XKR6: variants seen among roughly 807,000 people sequenced by gnomAD.
XKR6 encodes XK related 6.
Under a neutral mutation model 56.7 loss-of-function variants are expected in XKR6, and 22 were observed. The observed-to-expected ratio is 0.39, with a 90% CI of 0.28 to 0.55. The LOEUF (loss-of-function observed/expected upper bound fraction) is 0.55, where lower values mean the gene tolerates loss of function less well. Among genes scored for constraint, XKR6 ranks in the 20% least tolerant of loss-of-function variants. The pLI is 0.66. For missense variants in XKR6, 852 were observed against 889.0 expected, an observed-to-expected ratio of 0.96 and a Z score of 0.53; for synonymous variants, 524 against 387.8, an observed-to-expected ratio of 1.35 and a Z score of -4.13.
intron 1 of XKR6, among the ~76,000 whole-genome samples, chr8:11,169,465 C>T (rs967953147): frequency 1.3e-5 from 2 of 151,974 alleles, no homozygotes; most frequent in African/African-American, 4.8e-5. Flanking sequence ...AAAAAAGGAA[C>T]AAAACTCTGA....
chr8:11,173,972 G>A (rs1054980167), intron 1 of XKR6, among the ~76,000 whole-genome samples: 1 of 152,206 alleles, frequency 6.6e-6, no homozygotes, highest in African/African-American at 2.4e-5. Flanking sequence ...TTTGGGATGA[G>A]GGGAGTACTT....
chr8:10,929,454 T>C (rs538503091), intron 1 of XKR6, among the ~76,000 whole-genome samples: 7 of 152,366 alleles, frequency 4.6e-5, no homozygotes, highest in Admixed American at 4.6e-4. Flanking sequence ...CAGTCTGGCT[T>C]TGGGGCCAGT....
intron 1 of XKR6, among the ~76,000 whole-genome samples, chr8:11,089,556 A>C (rs1450300033): frequency 6.6e-6 from 1 of 152,132 alleles, no homozygotes; most frequent in Non-Finnish European, 1.5e-5. Context: ...AGGATTTCTT[A>C]AATCTAGGAG....
intron 1 of XKR6, among the ~76,000 whole-genome samples, chr8:11,075,098 C>G (rs1215777132): frequency 6.6e-6 from 1 of 152,134 alleles, no homozygotes; most frequent in Non-Finnish European, 1.5e-5. Flanking sequence ...GAGGATGCTG[C>G]CCCCGCCCTG....
intron 1 of XKR6, among the ~76,000 whole-genome samples, chr8:11,013,970 C>T (rs10216563): frequency 0.014 from 2,143 of 152,278 alleles, 50 homozygotes; most frequent in African/African-American, 0.048. Flanking sequence ...CCAGTCACTG[C>T]GTTAAAAAGT....
At chr8:11,163,697 ACT>A (rs1801935590) in intron 1 of XKR6, among the ~76,000 whole-genome samples, 1 of 152,190 alleles carries the variant, frequency 6.6e-6, no homozygotes, top group Non-Finnish European at 1.5e-5. Context: ...TTTCTACCGC[ACT>A]GACTTTGTGC....
chr8:10,975,055 C>T (rs1408211817), intron 1 of XKR6, among the ~76,000 whole-genome samples: 1 of 152,148 alleles, frequency 6.6e-6, no homozygotes, highest in Non-Finnish European at 1.5e-5. Context: ...AGGTGACCTT[C>T]GGGAGCTGCC....
At chr8:11,170,351 A>T (rs990555677) in intron 1 of XKR6, among the ~76,000 whole-genome samples, 1 of 152,246 alleles carries the variant, frequency 6.6e-6, no homozygotes, top group Non-Finnish European at 1.5e-5. Flanking sequence ...GATCCATCCA[A>T]TGGAATATTA....
intron 1 of XKR6, among the ~76,000 whole-genome samples, chr8:11,007,185 G>T (rs1001201973): frequency 3.3e-5 from 5 of 152,296 alleles, no homozygotes; most frequent in African/African-American, 1.2e-4. Context: ...TGAGGGATAG[G>T]TCAGGAGAGT....
At chr8:11,011,163 C>A (rs1798491127) in intron 1 of XKR6, among the ~76,000 whole-genome samples, 1 of 152,236 alleles carries the variant, frequency 6.6e-6, no homozygotes, top group African/African-American at 2.4e-5. Flanking sequence ...ATGCTCCTTT[C>A]CCTACATCAC....
intron 1 of XKR6, among the ~76,000 whole-genome samples, chr8:11,081,241 C>T (rs1411164764): frequency 6.6e-6 from 1 of 152,168 alleles, no homozygotes; most frequent in African/African-American, 2.4e-5. Context: ...CAGGAAAATC[C>T]AGCAGATGGA....
In XKR6 at chr8:10,897,167, C is replaced by T. The variant is rs1799906312; in HGVS notation, c.*785G>A. 2.0e-5 allele frequency: 3 copies of T among 152,638 alleles called. No homozygotes were observed. Among genetic ancestry groups the T allele is most frequent in the African/African-American group, 7.2e-5 (3 of 41,438 alleles). The allele number at this position is 152,638 out of a possible 1,614,324, so 9.5% of individuals were successfully genotyped here. ...CATAATCAGCCTTCAAGTAGCTTCT[C>T]CAGCCATTTGAGTTTCAAACAGCCC... On this transcript the variant is annotated 3_prime_UTR_variant, in exon 3 of 3. Transcript: ENST00000416569.
At chr8:10,945,542 A>G (rs1315449090) in intron 1 of XKR6, among the ~76,000 whole-genome samples, 2 of 152,238 alleles carry the variant, frequency 1.3e-5, no homozygotes, top group Non-Finnish European at 2.9e-5. Context: ...TGTATTGGAG[A>G]AATGTGGGTT....
chr8:10,959,310 C>G (rs1407128150), intron 1 of XKR6, among the ~76,000 whole-genome samples: 2 of 152,090 alleles, frequency 1.3e-5, no homozygotes, highest in Admixed American at 1.3e-4. Context: ...CTCTGTGACC[C>G]ACAGGTGGTC....
At chr8:10,980,574 A>G (rs192941431) in intron 1 of XKR6, among the ~76,000 whole-genome samples, 18 of 152,302 alleles carry the variant, frequency 1.2e-4, no homozygotes, top group Non-Finnish European at 2.6e-4. Flanking sequence ...TTTAATACCT[A>G]TCTATTATCG....
chr8:11,104,236 C>T (rs1276783647), intron 1 of XKR6, among the ~76,000 whole-genome samples: 1 of 152,234 alleles, frequency 6.6e-6, no homozygotes, highest in African/African-American at 2.4e-5. Context: ...AAAGGACACA[C>T]TTTGGAGAAC....
intron 1 of XKR6, chr8:11,137,428 C>A (rs757936803): frequency 6.6e-5 from 24 of 365,398 alleles, no homozygotes; most frequent in Non-Finnish European, 1.3e-4. Flanking sequence ...AAGAAATTCT[C>A]CCTCAAACGT....
chr8:11,066,629 C>G (rs891288328), intron 1 of XKR6, among the ~76,000 whole-genome samples: 2 of 152,244 alleles, frequency 1.3e-5, no homozygotes, highest in Non-Finnish European at 2.9e-5. Context: ...GAGGCCAGTC[C>G]TGAGGAAAGC....
intron 2 of XKR6, among the ~76,000 whole-genome samples, chr8:10,919,666 A>G (rs1046706798): frequency 6.6e-6 from 1 of 152,240 alleles, no homozygotes; most frequent in African/African-American, 2.4e-5. Context: ...GCCTGGTGCC[A>G]TAAGGTCAAT....
Sources: gnomAD v4.1 joint callset for allele counts (sites outside exome capture counted in the v4.1 genomes callset) on GRCh38, gnomAD v4.1.1 for gene constraint, MANE v1.5 for transcripts, NCBI Gene and HGNC (gene_info 2026-07-23, HGNC 2026-07-21) for gene names.